The following GRIA4 variants were observed in gnomAD, a reference collection of about 807,000 sequenced individuals.
The protein encoded by GRIA4 is glutamate ionotropic receptor AMPA type subunit 4, also known as glutamate receptor 4.
A neutral mutation model predicts 104.0 loss-of-function variants in GRIA4; 34 were observed. The observed-to-expected ratio is 0.33, with a 90% CI of 0.25 to 0.44. GRIA4 has a LOEUF of 0.44. Among genes scored for constraint, GRIA4 ranks in the 20% least tolerant of loss-of-function variants. GRIA4 has a pLI of 1.00. For synonymous variants in GRIA4, 386 were observed against 381.9 expected (o/e 1.01, Z -0.13); for missense variants, 750 against 1,096.5 (o/e 0.68, Z 4.46).
intron 3 of GRIA4, among the ~76,000 whole-genome samples, chr11:105,634,502 A>AAAG (rs761958159): frequency 4.3e-4 from 32 of 74,498 alleles, no homozygotes; most frequent in African/African-American, 1.3e-3. Context: ...AGAAAGAAAG[A>AAAG]AAGAAAGAAA....
chr11:105,768,172 A>G (rs938707608), intron 4 of GRIA4, among the ~76,000 whole-genome samples: 2 of 152,312 alleles, frequency 1.3e-5, no homozygotes, highest in African/African-American at 2.4e-5. Flanking sequence ...ATAATGGCAG[A>G]TGACAAGGCA....
chr11:105,975,013 T>C (rs1444101522), intron 16 of GRIA4: 1 of 162,772 alleles, frequency 6.1e-6, no homozygotes, highest in Non-Finnish European at 1.4e-5. Context: ...CCAATACATG[T>C]AAAAACTCCA....
intron 3 of GRIA4, among the ~76,000 whole-genome samples, chr11:105,645,427 C>A (rs988972230): frequency 2.0e-5 from 3 of 152,140 alleles, no homozygotes; most frequent in Non-Finnish European, 4.4e-5. Flanking sequence ...GCTGAATAAC[C>A]AAATAAAGCA....
intron 3 of GRIA4, among the ~76,000 whole-genome samples, chr11:105,718,071 G>T (rs1324269690): frequency 3.9e-5 from 6 of 152,000 alleles, no homozygotes; most frequent in Non-Finnish European, 7.4e-5. Flanking sequence ...ATGGATCATT[G>T]GTTGGCTAAC....
rs572202560 is a variant in GRIA4, at chr11:105,926,227, G to A, written c.1848-514G>A. 1.6e-4 allele frequency among the ~76,000 whole-genome samples: 24 copies of A among 151,996 alleles called. No homozygotes were observed. The South Asian group carries it at 3.5e-3, about 22-fold the overall frequency. On this transcript the variant is annotated intron_variant, in intron 12 of 16. Transcript: ENST00000282499. ...AGGGCTCTGACTGAAGGTAAAACAA[G>A]TTATTTCCTTTAGTCTCAGAAAGGT...
intron 6 of GRIA4, among the ~76,000 whole-genome samples, chr11:105,897,559 C>T (rs1180639202): frequency 6.6e-6 from 1 of 151,988 alleles, no homozygotes; most frequent in Non-Finnish European, 1.5e-5. Context: ...ATAGATGGCT[C>T]TAATTAGTTT....
chr11:105,874,641 G>C lies in GRIA4; in HGVS notation c.672+12433G>C, dbSNP rs553208209. Among the ~76,000 whole-genome samples the C allele has an allele frequency of 2.6e-5, 4 of 152,198 alleles. No individual in the cohort carries two copies. In the East Asian group the frequency reaches 7.7e-4, roughly 29 times the overall value. On this transcript the variant is annotated intron_variant, in intron 5 of 16. Transcript: ENST00000282499. ...CTTGAAGAGGTCCTTCATATCCCTT[G>C]CAAGTTGGATTCCTAGGTATTTTAT...
chr11:105,685,073 G>A (rs1293335171), intron 3 of GRIA4, among the ~76,000 whole-genome samples: 12 of 148,444 alleles, frequency 8.1e-5, no homozygotes, highest in South Asian at 2.1e-4. Flanking sequence ...TCATGATTAC[G>A]TAGCACATCT....
chr11:105,887,120 A>G (rs569875309), intron 5 of GRIA4, among the ~76,000 whole-genome samples: 2 of 152,132 alleles, frequency 1.3e-5, no homozygotes, highest in Admixed American at 6.5e-5. Flanking sequence ...CTATTAAGAC[A>G]CCAAGCAGCC....
chr11:105,718,910 T>C (rs1306851681), intron 3 of GRIA4, among the ~76,000 whole-genome samples: 3 of 152,092 alleles, frequency 2.0e-5, no homozygotes, highest in Non-Finnish European at 4.4e-5. Flanking sequence ...ACTTAGGAGT[T>C]TGGAACAAGC....
At chr11:105,653,804 A>T (rs957956789) in intron 3 of GRIA4, among the ~76,000 whole-genome samples, 1 of 151,894 alleles carries the variant, frequency 6.6e-6, no homozygotes, top group South Asian at 2.1e-4. Flanking sequence ...CCTGGGGAAA[A>T]TCCTGACTTA....
chr11:105,857,277 G>A (rs936502043), intron 4 of GRIA4, among the ~76,000 whole-genome samples: 9 of 152,180 alleles, frequency 5.9e-5, no homozygotes, highest in South Asian at 4.1e-4. Context: ...AATAAGTGGC[G>A]TTAGACACAC....
intron 4 of GRIA4, among the ~76,000 whole-genome samples, chr11:105,853,460 C>CA (rs1213257590): frequency 2.6e-5 from 4 of 152,090 alleles, no homozygotes; most frequent in Non-Finnish European, 5.9e-5. Context: ...CTCTCTCTGC[C>CA]ATTTGTAGAG....
At chr11:105,652,830 T>C (rs1243373456) in intron 3 of GRIA4, among the ~76,000 whole-genome samples, 2 of 152,210 alleles carry the variant, frequency 1.3e-5, no homozygotes, top group East Asian at 3.8e-4. Flanking sequence ...GATTTATTTT[T>C]CTTCTTTACA....
At chr11:105,716,979 T>C (rs561015) in intron 3 of GRIA4, among the ~76,000 whole-genome samples, 4,255 of 152,248 alleles carry the variant, frequency 0.028, 157 homozygotes, top group African/African-American at 0.083. Context: ...AGTCTTTGCC[T>C]TTTCTTACTC....
chr11:105,660,684 A>C (rs1431617138), intron 3 of GRIA4, among the ~76,000 whole-genome samples: 1 of 151,600 alleles, frequency 6.6e-6, no homozygotes, highest in Non-Finnish European at 1.5e-5. Context: ...AGTTCTTAAC[A>C]CATAATGTAA....
At chr11:105,783,920 T>C (rs1941843749) in intron 4 of GRIA4, among the ~76,000 whole-genome samples, 1 of 152,170 alleles carries the variant, frequency 6.6e-6, no homozygotes, top group African/African-American at 2.4e-5. Flanking sequence ...TTGAAACAGA[T>C]GAATCACTTG....
chr11:105,862,864 G>A lies in GRIA4; in HGVS notation c.672+656G>A, dbSNP rs143142804. On this transcript the variant is annotated intron_variant, in intron 5 of 16. Transcript: ENST00000282499. ...ACTGAGCTTTGCCGTTGTATTAAAT[G>A]ATAGGAAAATATCATCAAATAATGG... is the stretch of plus-strand genomic sequence containing the variant. 2.0e-5 allele frequency among the ~76,000 whole-genome samples: 3 copies of A among 152,266 alleles called. No individual in the cohort carries two copies. The East Asian group carries it at 5.8e-4, about 29-fold the overall frequency.
intron 3 of GRIA4, among the ~76,000 whole-genome samples, chr11:105,735,641 G>A (rs1412729026): frequency 6.6e-6 from 1 of 151,986 alleles, no homozygotes; most frequent in Non-Finnish European, 1.5e-5. Flanking sequence ...TCTAAGCTAA[G>A]GACATCTGCT....
Sources: gnomAD v4.1 joint callset for allele counts (sites outside exome capture counted in the v4.1 genomes callset) on GRCh38, gnomAD v4.1.1 for gene constraint, MANE v1.5 for transcripts, NCBI Gene and HGNC (gene_info 2026-07-23, HGNC 2026-07-21) for gene names.